The following ABLIM1 variants were observed in gnomAD, a reference collection of about 807,000 sequenced individuals.
The protein encoded by ABLIM1 is actin binding LIM protein 1, also known as actin-binding LIM protein 1.
ABLIM1 carries 40 observed loss-of-function variants against 107.0 expected under a neutral mutation model. That is an observed-to-expected ratio of 0.37 (90% CI 0.29 to 0.49). The LOEUF is 0.49. ABLIM1 is among the 20% of genes least tolerant of loss of function. ABLIM1 has a pLI of 0.97. For synonymous variants in ABLIM1, 357 were observed against 357.3 expected, an observed-to-expected ratio of 1.00 and a Z score of 0.01; for missense variants, 857 against 1,008.5, an observed-to-expected ratio of 0.85 and a Z score of 2.04.
At chr10:114,651,546 C>T (rs1230947057) in intron 1 of ABLIM1, among the ~76,000 whole-genome samples, 1 of 152,054 alleles carries the variant, frequency 6.6e-6, no homozygotes, top group African/African-American at 2.4e-5. Context: ...AAGACTGATG[C>T]GGGTGTTTGG....
chr10:114,662,858 G>A (rs1179185786), upstream of ABLIM1, among the ~76,000 whole-genome samples: 1 of 152,180 alleles, frequency 6.6e-6, no homozygotes, highest in Non-Finnish European at 1.5e-5. Flanking sequence ...ACAATACACT[G>A]CATAGGCAAC....
chr10:114,714,766 A>C (rs1169396632), intron 1 of ABLIM1, among the ~76,000 whole-genome samples: 2 of 152,232 alleles, frequency 1.3e-5, no homozygotes, highest in Admixed American at 6.5e-5. Context: ...TCAGAAAACT[A>C]AGAGAAAGCC....
chr10:114,595,517 A>C (rs1172586905), intron 2 of ABLIM1, among the ~76,000 whole-genome samples: 1 of 152,202 alleles, frequency 6.6e-6, no homozygotes, highest in Non-Finnish European at 1.5e-5. Context: ...ATCACATTAA[A>C]ACAACTCCTT....
At chr10:114,704,084 CTTTAT>C (rs1234852965) in intron 1 of ABLIM1, among the ~76,000 whole-genome samples, 1 of 151,782 alleles carries the variant, frequency 6.6e-6, no homozygotes, top group Non-Finnish European at 1.5e-5. Context: ...TTTTTATTTT[CTTTAT>C]TTTCTTTTCA....
At chr10:114,676,334 G>T (rs2080482312) in intron 1 of ABLIM1, among the ~76,000 whole-genome samples, 1 of 151,988 alleles carries the variant, frequency 6.6e-6, no homozygotes, top group Non-Finnish European at 1.5e-5. Flanking sequence ...AAAATTAGCT[G>T]GGTGTGGTGG....
intron 2 of ABLIM1, among the ~76,000 whole-genome samples, chr10:114,583,468 C>CATATATATATATATATATATATAT (rs140129654): frequency 2.0e-4 from 3 of 15,090 alleles, no homozygotes; most frequent in South Asian, 3.1e-3. Flanking sequence ...CACACACACA[C>CATATATATATATATATATATATAT]ATATATATAT....
At chr10:114,538,208 T>C (rs1478911776) in intron 6 of ABLIM1, among the ~76,000 whole-genome samples, 1 of 152,206 alleles carries the variant, frequency 6.6e-6, no homozygotes, top group Non-Finnish European at 1.5e-5. Flanking sequence ...AGTTTTTTAA[T>C]CAGTCCAAAA....
At chr10:114,586,526 C>A (rs1426969892) in intron 2 of ABLIM1, among the ~76,000 whole-genome samples, 1 of 152,160 alleles carries the variant, frequency 6.6e-6, no homozygotes, top group Non-Finnish European at 1.5e-5. Flanking sequence ...ATCATGGGTT[C>A]TTTTAAGGAA....
At chr10:114,769,837 C>A (rs559837574), upstream of ABLIM1, among the ~76,000 whole-genome samples, 172 of 152,174 alleles carry the variant, frequency 1.1e-3, no homozygotes, top group African/African-American at 3.9e-3. Context: ...ATTCAAATGC[C>A]AACTACAAAA....
At chr10:114,547,503 G>T in intron 5 of ABLIM1, 147 bp downstream of exon 5, 2 of 1,100,704 alleles carry the variant, frequency 1.8e-6, no homozygotes, top group Non-Finnish European at 2.5e-6. Context: ...CTTTTCAAAA[G>T]TTTTATAGCA....
chr10:114,561,766 T>C (rs956247059), intron 4 of ABLIM1, among the ~76,000 whole-genome samples: 5 of 152,224 alleles, frequency 3.3e-5, no homozygotes, highest in Non-Finnish European at 4.4e-5. Context: ...ATAAGACATA[T>C]AACTGCTGAA....
chr10:114,612,812 A>G (rs2076897840), intron 1 of ABLIM1, among the ~76,000 whole-genome samples: 1 of 152,238 alleles, frequency 6.6e-6, no homozygotes, highest in African/African-American at 2.4e-5. Context: ...AGCCATTTAC[A>G]GAAATACAAG....
At chr10:114,640,539 CCAACAACAA>C (rs147389561) in intron 1 of ABLIM1, among the ~76,000 whole-genome samples, 2 of 151,078 alleles carry the variant, frequency 1.3e-5, no homozygotes, top group Non-Finnish European at 2.9e-5. Context: ...AACAAACAAA[CCAACAACAA>C]CAACAACAAC....
intron 2 of ABLIM1, among the ~76,000 whole-genome samples, chr10:114,581,851 C>G (rs967758092): frequency 1.3e-5 from 2 of 152,010 alleles, no homozygotes; most frequent in South Asian, 4.2e-4. Flanking sequence ...TACCCTTAGG[C>G]CAAAATCCTG....
At chr10:114,708,306 T>C (rs2081469498) in intron 1 of ABLIM1, among the ~76,000 whole-genome samples, 1 of 152,134 alleles carries the variant, frequency 6.6e-6, no homozygotes, top group Admixed American at 6.5e-5. Context: ...ATTATGAATC[T>C]CTTGGTCTAA....
At chr10:114,570,596 G>GTT (rs57963013) in intron 4 of ABLIM1, among the ~76,000 whole-genome samples, 3 of 68,016 alleles carry the variant, frequency 4.4e-5, no homozygotes, top group Non-Finnish European at 7.7e-5. Flanking sequence ...ATTTTTCTGG[G>GTT]TTTTTTTTTT....
At chr10:114,615,384 C>G (rs1257738500) in intron 1 of ABLIM1, among the ~76,000 whole-genome samples, 3 of 152,218 alleles carry the variant, frequency 2.0e-5, no homozygotes, top group Non-Finnish European at 4.4e-5. Flanking sequence ...TCTCCTCCTT[C>G]TGGTCACACC....
chr10:114,614,848 C>T (rs1010883641), intron 1 of ABLIM1, among the ~76,000 whole-genome samples: 26 of 151,820 alleles, frequency 1.7e-4, no homozygotes, highest in Non-Finnish European at 3.7e-4. Context: ...GAGGTTGGGA[C>T]GAGACCAGTC....
intron 1 of ABLIM1, chr10:114,610,560 T>C (rs2076737973): frequency 6.6e-6 from 1 of 152,210 alleles, no homozygotes; most frequent in African/African-American, 2.4e-5. Flanking sequence ...CCGGCACTAG[T>C]ATGGAGCCCA....
Sources: gnomAD v4.1 joint callset for allele counts (sites outside exome capture counted in the v4.1 genomes callset) on GRCh38, gnomAD v4.1.1 for gene constraint, MANE v1.5 for transcripts, NCBI Gene and HGNC (gene_info 2026-07-23, HGNC 2026-07-21) for gene names.